The following DNAJC15 variants were observed in gnomAD, a reference collection of about 807,000 sequenced individuals.
The protein encoded by DNAJC15 is dnaJ homolog subfamily C member 15.
In DNAJC15, 27 loss-of-function variants were observed where a neutral mutation model predicts 22.4. The ratio of observed to expected loss-of-function variants is 1.20; its 90% confidence interval spans 0.89 to 1.66. The LOEUF (loss-of-function observed/expected upper bound fraction) is 1.66. Ranked by LOEUF, DNAJC15 falls within the 40% of genes most tolerant of loss-of-function variation. The pLI, the probability that DNAJC15 is intolerant of heterozygous loss-of-function variation, is 0.00. For synonymous variants in DNAJC15, 79 were observed against 63.2 expected, an observed-to-expected ratio of 1.25 and a Z score of -1.19; for missense variants, 208 against 187.1, an observed-to-expected ratio of 1.11 and a Z score of -0.65.
intron 4 of DNAJC15, among the ~76,000 whole-genome samples, chr13:43,085,254 G>A (rs1488768446): frequency 2.6e-5 from 4 of 151,772 alleles, no homozygotes; most frequent in Non-Finnish European, 4.4e-5. Flanking sequence ...CCAGCTGCTT[G>A]GGAGGCTGAG....
chr13:43,044,869 A>G lies in DNAJC15; in HGVS notation c.109-20817A>G, dbSNP rs372077871. 5.3e-5 allele frequency among the ~76,000 whole-genome samples: 8 copies of G among 152,030 alleles called. No homozygotes were observed. In the East Asian group the frequency reaches 1.2e-3, roughly 22 times the overall value. ...AGCCCAAGTGACCATTATCTCTTTC[A>G]TGGATTATTTTAATAGACTTACAAC... On this transcript the variant is annotated intron_variant, in intron 1 of 5. Coordinates refer to ENST00000379221, the MANE Select transcript of DNAJC15 (RefSeq NM_013238.3).
intron 5 of DNAJC15, among the ~76,000 whole-genome samples, chr13:43,090,725 TGAG>T (rs2040710597): frequency 7.5e-6 from 1 of 132,648 alleles, no homozygotes. Flanking sequence ...TTTTTTTTTT[TGAG>T]ATAGAGTCTT....
Position 43,111,367 on chromosome 13 carries a change from A to G in DNAJC15, c.*4119A>G, listed in dbSNP as rs2040823859. The G allele has an allele frequency of 6.6e-6, 1 of 152,226 alleles. No homozygotes were observed. Among genetic ancestry groups the G allele is most frequent in the South Asian group, 2.1e-4 (1 of 4,834 alleles). 9.4% of individuals were successfully genotyped at this position (152,226 alleles called of 1,614,324 possible). On this transcript the variant is annotated 3_prime_UTR_variant, in exon 6 of 6. Transcript: ENST00000379221. ...TTTTCCTTCATACTTTTTAATTAAC[A>G]AGACATATAAGAGTTGCATTAATGG...
rs542205708 is a variant in DNAJC15, at chr13:43,110,545, A to G, written c.*3297A>G. On this transcript the variant is annotated 3_prime_UTR_variant, in exon 6 of 6. Coordinates refer to ENST00000379221, the MANE Select transcript of DNAJC15 (RefSeq NM_013238.3). ...ATTGAACTACAGTTACTTGAAATATAAGCCCAGAAAGTTTCAGATAATAAA... is the reference window on the plus strand; with the variant it reads ...ATTGAACTACAGTTACTTGAAATATGAGCCCAGAAAGTTTCAGATAATAAA... The G allele has an allele frequency of 1.3e-5, 2 of 152,216 alleles. No homozygotes were observed. Among genetic ancestry groups the G allele is most frequent in the Non-Finnish European group, 2.9e-5 (2 of 68,044 alleles). The allele number at this position is 152,216 out of a possible 1,614,324, so 9.4% of individuals were successfully genotyped here. A position where few individuals can be genotyped will look rare whatever the true frequency, so the allele number is the denominator to read the frequency against.
chr13:43,073,863 G>GT (rs149680947), intron 3 of DNAJC15, among the ~76,000 whole-genome samples: 88 of 142,744 alleles, frequency 6.2e-4, no homozygotes, highest in Non-Finnish European at 7.6e-4. Flanking sequence ...TTGTTTTTTT[G>GT]TTTTTTTTTT....
intron 1 of DNAJC15, among the ~76,000 whole-genome samples, chr13:43,025,504 C>T (rs904087467): frequency 2.6e-5 from 4 of 152,144 alleles, no homozygotes; most frequent in Non-Finnish European, 5.9e-5. Context: ...ATCCTGAAAT[C>T]CTGAAGTCAG....
intron 1 of DNAJC15, among the ~76,000 whole-genome samples, chr13:43,026,871 C>A (rs2040383016): frequency 2.0e-5 from 3 of 151,970 alleles, no homozygotes; most frequent in Non-Finnish European, 4.4e-5. Flanking sequence ...CCCTGTCTTT[C>A]TAAAAGAAAA....
chr13:43,059,196 C>T (rs1223095182), intron 1 of DNAJC15, among the ~76,000 whole-genome samples: 1 of 151,820 alleles, frequency 6.6e-6, no homozygotes, highest in African/African-American at 2.4e-5. Context: ...TTTGTTTTTC[C>T]TTCTGTAAAA....
At chr13:43,034,789 C>T (rs2040421936) in intron 1 of DNAJC15, among the ~76,000 whole-genome samples, 1 of 152,124 alleles carries the variant, frequency 6.6e-6, no homozygotes. Context: ...TGACATACCC[C>T]CAACGTTGTG....
chr13:43,051,659 G>GTA (rs1555274783), intron 1 of DNAJC15, among the ~76,000 whole-genome samples: 28 of 102,580 alleles, frequency 2.7e-4, no homozygotes, highest in Non-Finnish European at 4.5e-4. Flanking sequence ...GTGTGTGTGT[G>GTA]TGTATATATA....
chr13:43,058,528 C>T (rs1399056187), intron 1 of DNAJC15, among the ~76,000 whole-genome samples: 1 of 152,000 alleles, frequency 6.6e-6, no homozygotes, highest in African/African-American at 2.4e-5. Context: ...GGAATTTGCC[C>T]CAGGCTATAA....
intron 1 of DNAJC15, among the ~76,000 whole-genome samples, chr13:43,031,931 C>T (rs974138669): frequency 6.6e-6 from 1 of 152,148 alleles, no homozygotes; most frequent in Non-Finnish European, 1.5e-5. Context: ...GGCTTCATAG[C>T]TAGTGGAGTT....
intron 1 of DNAJC15, among the ~76,000 whole-genome samples, chr13:43,053,591 A>T (rs2040515789): frequency 6.6e-6 from 1 of 152,112 alleles, no homozygotes; most frequent in African/African-American, 2.4e-5. Flanking sequence ...AGTCTTTTGT[A>T]TGATAGTTTT....
intron 1 of DNAJC15, among the ~76,000 whole-genome samples, chr13:43,061,545 C>G (rs572336663): frequency 1.3e-5 from 2 of 152,238 alleles, no homozygotes; most frequent in East Asian, 3.9e-4. Context: ...GATGGAGGAC[C>G]CTTGCATAGT....
chr13:43,051,403 GT>G (rs111683717), intron 1 of DNAJC15, among the ~76,000 whole-genome samples: 31,715 of 152,096 alleles, frequency 0.21, 4,252 homozygotes, highest in Non-Finnish European at 0.3. Context: ...CCAGTGTGTA[GT>G]CTTTTATCCC....
intron 3 of DNAJC15, among the ~76,000 whole-genome samples, chr13:43,074,403 G>C (rs1040108719): frequency 4.6e-5 from 7 of 152,036 alleles, no homozygotes; most frequent in African/African-American, 1.7e-4. Flanking sequence ...CATTTGTAAG[G>C]TCCAGGATGT....
At chr13:43,104,693 C>CTTTTCT (rs2040787679) in intron 5 of DNAJC15, among the ~76,000 whole-genome samples, 1 of 136,614 alleles carries the variant, frequency 7.3e-6, no homozygotes, top group African/African-American at 2.6e-5. Context: ...CTTTTCTTTT[C>CTTTTCT]TTTTTTTTTT....
intron 3 of DNAJC15, among the ~76,000 whole-genome samples, chr13:43,073,223 G>T (rs1394147288): frequency 6.6e-6 from 1 of 152,208 alleles, no homozygotes; most frequent in East Asian, 1.9e-4. Context: ...TTGACAGTGG[G>T]CTGTAAATAA....
Position 43,085,789 on chromosome 13 carries a change from G to T in DNAJC15, c.333G>T (p.Lys111Asn). 1 of 1,613,436 alleles carries T rather than the reference G, an allele frequency of 6.2e-7. No homozygotes were observed. The highest frequency in any genetic ancestry group is 2.2e-5 in the East Asian group (1 of 44,806). Residue 111 changes from lysine to asparagine, a missense_variant, in exon 5 of 6, where the codon AAG (lysine) becomes AAT (asparagine). Physicochemically the swap from Lys to Asn is moderately conservative, Grantham distance 94 (BLOSUM62 0). Transcript: ENST00000379221. ...ACAGCCCATCTGCTGGCAAGGCTAA[G>T]ATTAGAACAGCTCATAGGAGAGTCA... ...LGVSPSAGKA[K>N]IRTAHRRVMI... is the part of the protein sequence containing the mutation.
Sources: allele counts gnomAD v4.1 joint callset (sites outside exome capture counted in the v4.1 genomes callset), GRCh38; gene constraint gnomAD v4.1.1; transcripts MANE v1.5; gene names NCBI Gene and HGNC (gene_info 2026-07-23, HGNC 2026-07-21).